The following STPG2 variants were observed in gnomAD, a reference collection of about 807,000 sequenced individuals.
STPG2 encodes the protein sperm tail PG-rich repeat containing 2.
In STPG2, 56 loss-of-function variants were observed where a neutral mutation model predicts 54.2. The ratio of observed to expected loss-of-function variants is 1.03; its 90% CI spans 0.83 to 1.29. The LOEUF (loss-of-function observed/expected upper bound fraction) is 1.29, where lower values mean the gene tolerates loss of function less well. STPG2 is among the 50% of genes most tolerant of loss of function. The pLI, the probability that STPG2 is intolerant of heterozygous loss-of-function variation, is 0.00. For missense variants in STPG2, 596 were observed against 544.9 expected (o/e 1.09, Z -0.93); for synonymous variants, 200 against 181.8 (o/e 1.10, Z -0.81).
At chr4:97,577,997 G>C (rs1197614260) in intron 10 of STPG2, among the ~76,000 whole-genome samples, 2 of 151,718 alleles carry the variant, frequency 1.3e-5, no homozygotes, top group African/African-American at 4.8e-5. Context: ...GAAATTTATA[G>C]AATTACACAC....
intron 9 of STPG2, among the ~76,000 whole-genome samples, chr4:97,760,238 G>C (rs992089539): frequency 6.6e-6 from 1 of 152,142 alleles, no homozygotes; most frequent in African/African-American, 2.4e-5. Flanking sequence ...TGGACTAAAA[G>C]ATCAAGGACA....
At position 97,473,096 on chromosome 4, in the gene STPG2, TCACCTCAGGACCCTGTGA is replaced by T. The variant is rs768408798; in HGVS notation, c.462+239585_462+239602del. Among the ~76,000 whole-genome samples the T allele has an allele frequency of 6.0e-4, 92 of 152,282 alleles. 1 individual carries two copies. The highest frequency in any genetic ancestry group is 7.9e-4 in the Non-Finnish European group (54 of 68,018). ...TCTCGTAAGCTGAGGAGGATGTATG[TCACCTCAGGACCCTGTGA>T]TAATTGCGTTAACTGCACAAATTGT... On this transcript the variant is annotated intron_variant, in intron 4 of 4. Coordinates refer to the STPG2 transcript ENST00000522676.
At chr4:97,736,960 C>G (rs1207355089) in intron 9 of STPG2, among the ~76,000 whole-genome samples, 1 of 152,192 alleles carries the variant, frequency 6.6e-6, no homozygotes, top group Admixed American at 6.5e-5. Flanking sequence ...GAGGCACCCC[C>G]CAGTAGGGGC....
At chr4:97,737,247 C>G (rs1453062053) in intron 9 of STPG2, among the ~76,000 whole-genome samples, 1 of 152,094 alleles carries the variant, frequency 6.6e-6, no homozygotes, top group Non-Finnish European at 1.5e-5. Context: ...TAGATAAAAC[C>G]ACAAAGATGT....
intron 4 of STPG2, among the ~76,000 whole-genome samples, chr4:97,512,095 T>TG (rs1730985724): frequency 6.6e-6 from 1 of 152,108 alleles, no homozygotes; most frequent in South Asian, 2.1e-4. Context: ...ATAAGAAAAT[T>TG]GGACTTGCAC....
At chr4:98,014,595 G>C (rs1244923194) in intron 5 of STPG2, among the ~76,000 whole-genome samples, 2 of 152,046 alleles carry the variant, frequency 1.3e-5, no homozygotes, top group Non-Finnish European at 2.9e-5. Flanking sequence ...AATTGTTGTA[G>C]CTATTGTTAA....
At chr4:97,721,943 C>T (rs2149016567) in intron 9 of STPG2, among the ~76,000 whole-genome samples, 1 of 152,018 alleles carries the variant, frequency 6.6e-6, no homozygotes, top group East Asian at 1.9e-4. Context: ...ATAGAGGTCA[C>T]AACCTTTGAC....
chr4:97,863,107 T>C (rs931112218), intron 8 of STPG2, among the ~76,000 whole-genome samples: 1 of 151,478 alleles, frequency 6.6e-6, no homozygotes, highest in South Asian at 2.1e-4. Flanking sequence ...AGAGCAGAAC[T>C]GAAGGAGATA....
chr4:97,791,600 C>T (rs1443407323), intron 9 of STPG2, among the ~76,000 whole-genome samples: 1 of 152,024 alleles, frequency 6.6e-6, no homozygotes, highest in African/African-American at 2.4e-5. Flanking sequence ...ACAAATATAG[C>T]AGTGTTATTT....
intron 5 of STPG2, among the ~76,000 whole-genome samples, chr4:98,036,657 G>A (rs1736789286): frequency 1.3e-5 from 2 of 151,298 alleles, no homozygotes; most frequent in Non-Finnish European, 2.9e-5. Flanking sequence ...TCTTTCAGAG[G>A]GTGGAGGGTG....
chr4:97,936,023 G>T (rs190336601), intron 8 of STPG2, among the ~76,000 whole-genome samples: 7 of 152,046 alleles, frequency 4.6e-5, no homozygotes, highest in Non-Finnish European at 1.0e-4. Flanking sequence ...AAGTCTCTTC[G>T]TAGGTCTCTA....
At chr4:97,795,600 T>G (rs964576211) in intron 9 of STPG2, among the ~76,000 whole-genome samples, 1 of 152,212 alleles carries the variant, frequency 6.6e-6, no homozygotes, top group African/African-American at 2.4e-5. Context: ...TATCATACAT[T>G]GATGGACATT....
Position 97,972,313 on chromosome 4 carries a change from T to G in STPG2, c.900A>C (p.Glu300Asp). The change falls in exon 7 of 11, where the codon GAA (glutamate) becomes GAC (aspartate). Residue 300 changes from glutamate (E) to aspartate (D), a missense_variant. By Grantham distance (45) the Glu-to-Asp change is conservative. Coordinates refer to ENST00000295268, the MANE Select transcript of STPG2 (RefSeq NM_174952.3). Reference protein sequence around the residue: ...VPRTFFSVQKEACATPGPADY... With the variant: ...VPRTFFSVQKDACATPGPADY... ...CAGCAGGTCCAGGGGTAGCACAAGC[T>G]TCTTTCTGAACCGAGAAGAAAGTCC... is the stretch of plus-strand genomic sequence containing the variant. 1 of 1,605,042 alleles carries G rather than the reference T, an allele frequency of 6.2e-7. No homozygotes were observed. Among genetic ancestry groups the G allele is most frequent in the South Asian group, 1.1e-5 (1 of 89,108 alleles).
At chr4:98,032,928 C>G (rs935118278) in intron 5 of STPG2, among the ~76,000 whole-genome samples, 1 of 152,104 alleles carries the variant, frequency 6.6e-6, no homozygotes, top group African/African-American at 2.4e-5. Context: ...ATCTCTGGGA[C>G]ACATTTAAAG....
intron 8 of STPG2, among the ~76,000 whole-genome samples, chr4:97,860,640 G>A (rs1349253200): frequency 6.6e-6 from 1 of 151,982 alleles, no homozygotes; most frequent in Admixed American, 6.6e-5. Flanking sequence ...ATACTGAAAT[G>A]TTACTGAATT....
intron 10 of STPG2, among the ~76,000 whole-genome samples, chr4:97,678,005 T>TACTG (rs1486172121): frequency 6.6e-6 from 1 of 152,146 alleles, no homozygotes; most frequent in African/African-American, 2.4e-5. Context: ...CATCATTAAA[T>TACTG]ACTGTTCTTT....
intron 5 of STPG2, among the ~76,000 whole-genome samples, chr4:97,996,373 G>A (rs893107990): frequency 6.6e-6 from 1 of 152,186 alleles, no homozygotes; most frequent in African/African-American, 2.4e-5. Context: ...TTTAATAGAT[G>A]ATTCTAGGAT....
chr4:97,834,743 C>A (rs1014792306), intron 9 of STPG2, among the ~76,000 whole-genome samples: 1 of 152,080 alleles, frequency 6.6e-6, no homozygotes, highest in African/African-American at 2.4e-5. Flanking sequence ...CCAGTGATCT[C>A]TGGCTGCTGC....
At chr4:97,869,313 A>G (rs1465610363) in intron 8 of STPG2, among the ~76,000 whole-genome samples, 1 of 151,694 alleles carries the variant, frequency 6.6e-6, no homozygotes, top group African/African-American at 2.4e-5. Context: ...TTTATTAATG[A>G]AAAAACTAAA....
Sources: gnomAD v4.1 joint callset for allele counts (sites outside exome capture counted in the v4.1 genomes callset) on GRCh38, gnomAD v4.1.1 for gene constraint, MANE v1.5 for transcripts, NCBI Gene and HGNC (gene_info 2026-07-23, HGNC 2026-07-21) for gene names.